The following CDH7 variants were observed in gnomAD, a reference collection of about 807,000 sequenced individuals.
CDH7 encodes cadherin 7, also known as cadherin-7.
A neutral mutation model predicts 71.8 loss-of-function variants in CDH7; 25 were observed. The ratio of observed to expected loss-of-function variants is 0.35; its 90% CI spans 0.25 to 0.49. CDH7 has a LOEUF of 0.49. CDH7 is among the 20% of genes least tolerant of loss of function. CDH7 has a pLI of 0.99. For synonymous variants in CDH7, 381 were observed against 363.8 expected, an observed-to-expected ratio of 1.05 and a Z score of -0.54; for missense variants, 862 against 974.6, an observed-to-expected ratio of 0.88 and a Z score of 1.54.
intron 11 of CDH7, chr18:65,864,202 A>G (rs2144041744): frequency 6.6e-6 from 1 of 152,320 alleles, no homozygotes; most frequent in African/African-American, 2.4e-5. Context: ...AATATAAGGG[A>G]TTAAAGTTTG....
At chr18:65,791,221 T>C (rs1273811824) in intron 2 of CDH7, among the ~76,000 whole-genome samples, 1 of 152,208 alleles carries the variant, frequency 6.6e-6, no homozygotes, top group East Asian at 1.9e-4. Flanking sequence ...TGTATGTGTG[T>C]TTACATATGT....
At chr18:65,783,950 T>TTTAG (rs1409353302) in intron 2 of CDH7, among the ~76,000 whole-genome samples, 1 of 142,664 alleles carries the variant, frequency 7.0e-6, no homozygotes, top group African/African-American at 3.0e-5. Context: ...TGATTTTTAT[T>TTTAG]TTATTTATTT....
At chr18:65,824,547 A>C (rs1317487698) in intron 5 of CDH7, 97 bp from the exon 6 acceptor site, 5 of 686,832 alleles carry the variant, frequency 7.3e-6, no homozygotes, top group Non-Finnish European at 1.1e-5. Flanking sequence ...AAAAATAAAA[A>C]GAAGTTGTGC....
intron 2 of CDH7, among the ~76,000 whole-genome samples, chr18:65,774,071 C>T (rs1296377981): frequency 6.6e-6 from 1 of 151,986 alleles, no homozygotes. Context: ...CAGCATTGAA[C>T]CTCAATAATC....
chr18:65,758,048 G>A (rs1199640969), intron 1 of CDH7, among the ~76,000 whole-genome samples: 6 of 152,240 alleles, frequency 3.9e-5, no homozygotes, highest in Non-Finnish European at 7.4e-5. Context: ...TCAACAATTT[G>A]TTACTGACTC....
intron 11 of CDH7, among the ~76,000 whole-genome samples, chr18:65,874,699 T>G (rs1222753462): frequency 6.6e-6 from 1 of 151,708 alleles, no homozygotes; most frequent in Non-Finnish European, 1.5e-5. Context: ...TATGCATATT[T>G]TATATGTATA....
At chr18:65,760,060 A>G (rs1320672351) in intron 1 of CDH7, among the ~76,000 whole-genome samples, 13 of 152,212 alleles carry the variant, frequency 8.5e-5, no homozygotes, top group Admixed American at 8.5e-4. Context: ...ATTTGAATAT[A>G]GATAACATTC....
At chr18:65,806,192 G>T (rs1294332398) in intron 2 of CDH7, among the ~76,000 whole-genome samples, 1 of 151,804 alleles carries the variant, frequency 6.6e-6, no homozygotes, top group Non-Finnish European at 1.5e-5. Context: ...AATGACACAG[G>T]ATTTACATAA....
chr18:65,794,318 G>A (rs1418346719), intron 2 of CDH7, among the ~76,000 whole-genome samples: 2 of 152,038 alleles, frequency 1.3e-5, no homozygotes, highest in East Asian at 1.9e-4. Flanking sequence ...GAGAAGAATA[G>A]CGATGTGTTT....
chr18:65,854,132 C>T (rs963856323), intron 7 of CDH7, among the ~76,000 whole-genome samples: 4 of 150,788 alleles, frequency 2.7e-5, no homozygotes, highest in Admixed American at 1.3e-4. Flanking sequence ...ATAGTGAGAC[C>T]GTATCTCTAC....
At chr18:65,793,616 G>T (rs1478892004) in intron 2 of CDH7, among the ~76,000 whole-genome samples, 1 of 152,098 alleles carries the variant, frequency 6.6e-6, no homozygotes, top group African/African-American at 2.4e-5. Flanking sequence ...ATTATAAGTT[G>T]CCTAGAACAT....
intron 2 of CDH7, among the ~76,000 whole-genome samples, chr18:65,786,526 G>A (rs528369119): frequency 5.9e-5 from 9 of 152,174 alleles, no homozygotes; most frequent in African/African-American, 9.6e-5. Flanking sequence ...AATCAGTACT[G>A]ATAATGTTTA....
chr18:65,794,946 T>C (rs555299612), intron 2 of CDH7, among the ~76,000 whole-genome samples: 1 of 152,322 alleles, frequency 6.6e-6, no homozygotes, highest in South Asian at 2.1e-4. Flanking sequence ...GTCTGACACG[T>C]AATTATGCTC....
chr18:65,794,597 A>G (rs1355323065), intron 2 of CDH7, among the ~76,000 whole-genome samples: 1 of 152,000 alleles, frequency 6.6e-6, no homozygotes, highest in Non-Finnish European at 1.5e-5. Flanking sequence ...GGTTAGAAAA[A>G]AAAAAAAACC....
At chr18:65,799,484 T>C (rs1911037808) in intron 2 of CDH7, among the ~76,000 whole-genome samples, 1 of 152,074 alleles carries the variant, frequency 6.6e-6, no homozygotes, top group Admixed American at 6.6e-5. Flanking sequence ...GAGACCATCC[T>C]GGCTAAAGAG....
At chr18:65,782,953 G>C (rs892430023) in intron 2 of CDH7, among the ~76,000 whole-genome samples, 3 of 152,144 alleles carry the variant, frequency 2.0e-5, no homozygotes, top group African/African-American at 7.2e-5. Context: ...GGAAAAATGT[G>C]TCACAAAACA....
At position 65,762,973 on chromosome 18, in the gene CDH7, G is replaced by A. The variant is rs1394710642; in HGVS notation, c.131G>A (p.Arg44Gln). The change falls in exon 2 of 12, where the codon CGG (arginine) becomes CAG (glutamine). Residue 44 changes from arginine (R) to glutamine (Q), a missense_variant. Physicochemically the swap from Arg to Gln is conservative, Grantham distance 43. Transcript: ENST00000397968. ...SKPYFQSGRSRTKRSWVWNQF... is the reference protein window; with the variant it reads ...SKPYFQSGRSQTKRSWVWNQF... ...CCCTATTTCCAATCAGGGAGGTCCC[G>A]GACCAAGCGCAGCTGGGTGTGGAAT... 4.3e-6 allele frequency: 7 copies of A among 1,613,622 alleles called. No homozygotes were observed. The highest frequency in any genetic ancestry group is 1.1e-5 in the South Asian group (1 of 91,060).
In CDH7 at chr18:65,785,634, A is replaced by G. The variant is rs1055806563; in HGVS notation, c.210+22582A>G. Among the ~76,000 whole-genome samples, 9 of 152,108 alleles carry G rather than the reference A, an allele frequency of 5.9e-5. No individual in the cohort carries two copies. In the South Asian group the frequency reaches 1.2e-3, roughly 21 times the overall value. Reference sequence around the variant, plus strand: ...AAAAACTAAGTGACAAAACAATGAAAAAATATCTAATGGAGTTTAGGGAAA... The same window carrying G: ...AAAAACTAAGTGACAAAACAATGAAGAAATATCTAATGGAGTTTAGGGAAA... On this transcript the variant is annotated intron_variant, in intron 2 of 11. Coordinates refer to ENST00000397968, the MANE Select transcript of CDH7 (RefSeq NM_004361.5).
At position 65,880,706 on chromosome 18, in the gene CDH7, G is replaced by T; in HGVS notation, c.2170G>T (p.Ala724Ser). The T allele has an allele frequency of 6.2e-7, 1 of 1,614,068 alleles. No homozygotes were observed. Among genetic ancestry groups the T allele is most frequent in the African/African-American group, 1.3e-5 (1 of 75,018 alleles). ...AAAAGAAGCCGATGTTGATCCTGGTGCTCCTCCTTATGACTCCCTGCAGAC... is the reference window on the plus strand; with the variant it reads ...AAAAGAAGCCGATGTTGATCCTGGTTCTCCTCCTTATGACTCCCTGCAGAC... ...RLKEADVDPG[A>S]PPYDSLQTYA... The change falls in exon 12 of 12, where the codon GCT becomes TCT. Residue 724 changes from alanine (A) to serine (S), a missense_variant. Coordinates refer to ENST00000397968, the MANE Select transcript of CDH7 (RefSeq NM_004361.5).
Sources: allele counts gnomAD v4.1 joint callset (sites outside exome capture counted in the v4.1 genomes callset), GRCh38; gene constraint gnomAD v4.1.1; transcripts MANE v1.5; gene names NCBI Gene and HGNC (gene_info 2026-07-23, HGNC 2026-07-21).